The following SLFN12L variants were observed in gnomAD, a reference collection of about 807,000 sequenced individuals.
The protein encoded by SLFN12L is schlafen family member 12-like.
A neutral mutation model predicts 34.8 loss-of-function variants in SLFN12L; 34 were observed. The ratio of observed to expected loss-of-function variants is 0.98; its 90% CI spans 0.74 to 1.30. SLFN12L has a LOEUF of 1.30. Ranked by LOEUF, SLFN12L falls within the 50% of genes most tolerant of loss-of-function variation. SLFN12L has a pLI of 0.00. For synonymous variants in SLFN12L, 259 were observed against 247.5 expected (o/e 1.05, Z -0.44); for missense variants, 703 against 696.2 (o/e 1.01, Z -0.11).
intron 2 of SLFN12L, among the ~76,000 whole-genome samples, chr17:35,482,682 G>T (rs879580852): frequency 1.2e-4 from 18 of 152,192 alleles, no homozygotes; most frequent in Admixed American, 8.5e-4. Context: ...TCTCCCTGCT[G>T]TCGGTGCCCA....
At chr17:35,523,377 G>A in intron 1 of SLFN12L, among the ~76,000 whole-genome samples, 1 of 152,170 alleles carries the variant, frequency 6.6e-6, no homozygotes, top group East Asian at 1.9e-4. Context: ...CCACTAATGG[G>A]GGTAGCAGGA....
intron 2 of SLFN12L, among the ~76,000 whole-genome samples, chr17:35,504,991 C>A (rs1915420882): frequency 6.6e-6 from 1 of 152,138 alleles, no homozygotes; most frequent in African/African-American, 2.4e-5. Context: ...AATAAGATAT[C>A]ATAAAGCAAG....
chr17:35,527,823 A>T (rs145796673), intron 1 of SLFN12L, among the ~76,000 whole-genome samples: 56 of 152,314 alleles, frequency 3.7e-4, no homozygotes, highest in African/African-American at 1.3e-3. Flanking sequence ...CACCACTCCT[A>T]GTCAACATAG....
In SLFN12L at chr17:35,479,568, C is replaced by A. The variant is rs1477891626; in HGVS notation, c.714G>T (p.Leu238Phe). The A allele has an allele frequency of 6.2e-7, 1 of 1,613,730 alleles. No homozygotes were observed. The highest frequency in any genetic ancestry group is 1.7e-5 in the Admixed American group (1 of 59,902). The change falls in exon 3 of 5, where the codon TTG becomes TTT. Residue 238 changes from leucine (L) to phenylalanine (F), a missense_variant. Physicochemically the swap from Leu to Phe is conservative, Grantham distance 22. Transcript: ENST00000628453. ...CAACGTGTGTGGATTCAGTAAAGGTCAATTTTTCTTTATAACCAAGTTCTG... is the reference window on the plus strand; with the variant it reads ...CAACGTGTGTGGATTCAGTAAAGGTAAATTTTTCTTTATAACCAAGTTCTG... ...NRTELGYKEKLTFTESTHVEI... is the reference protein window; with the variant it reads ...NRTELGYKEKFTFTESTHVEI...
At chr17:35,485,156 CA>C (rs1914528774) in intron 2 of SLFN12L, among the ~76,000 whole-genome samples, 1 of 151,966 alleles carries the variant, frequency 6.6e-6, no homozygotes, top group South Asian at 2.1e-4. Flanking sequence ...TTGATCTTTT[CA>C]AAAAACCAAC....
chr17:35,486,564 G>A (rs1033120336), intron 2 of SLFN12L, among the ~76,000 whole-genome samples: 20 of 152,016 alleles, frequency 1.3e-4, no homozygotes, highest in Non-Finnish European at 2.6e-4. Context: ...TCAGGCTTCA[G>A]GCATACATCT....
intron 2 of SLFN12L, among the ~76,000 whole-genome samples, chr17:35,520,837 C>T (rs1208010792): frequency 6.6e-6 from 1 of 152,126 alleles, no homozygotes; most frequent in Non-Finnish European, 1.5e-5. Flanking sequence ...ACAACCCCCT[C>T]TCAGGAGTAT....
intron 2 of SLFN12L, among the ~76,000 whole-genome samples, chr17:35,485,095 G>T (rs1416619030): frequency 1.3e-5 from 2 of 151,788 alleles, no homozygotes; most frequent in African/African-American, 4.8e-5. Flanking sequence ...TTTCTTTTTT[G>T]ATTTTAGTTG....
Position 35,508,620 on chromosome 17 carries a change from C to T in SLFN12L, c.86+13659G>A, listed in dbSNP as rs1160303312. ...ACCTTGGCCTCCCAAAGTGCTGGGA[C>T]TACAGGCATGAGCCACTGTGCCCAG... On this transcript the variant is annotated intron_variant, in intron 2 of 4. Transcript: ENST00000628453. Among the ~76,000 whole-genome samples, 8 of 152,228 alleles carry T rather than the reference C, an allele frequency of 5.3e-5. 1 individual carries two copies. In the East Asian group the frequency reaches 7.7e-4, roughly 15 times the overall value.
intron 1 of SLFN12L, among the ~76,000 whole-genome samples, chr17:35,532,158 G>A (rs776041932): frequency 2.6e-5 from 4 of 152,168 alleles, no homozygotes; most frequent in African/African-American, 9.7e-5. Context: ...TTTAAAAATA[G>A]GCACAGGCCG....
chr17:35,536,871 T>G (rs983065156), intron 1 of SLFN12L, among the ~76,000 whole-genome samples: 4 of 151,304 alleles, frequency 2.6e-5, no homozygotes, highest in Admixed American at 6.6e-5. Flanking sequence ...ATCAGCTAAC[T>G]GCTAAAGAAT....
intron 4 of SLFN12L, 36 bp downstream of exon 4, chr17:35,478,039 A>T: frequency 1.5e-6 from 2 of 1,340,820 alleles, no homozygotes; most frequent in Non-Finnish European, 2.1e-6. Context: ...GAACACAGTT[A>T]CACCAACAAC....
Position 35,480,130 on chromosome 17 carries a change from G to C in SLFN12L, c.152C>G (p.Thr51Arg). The C allele has an allele frequency of 2.5e-6, 4 of 1,613,362 alleles. No individual in the cohort carries two copies. Among genetic ancestry groups the C allele is most frequent in the Non-Finnish European group, 3.4e-6 (4 of 1,179,810 alleles). ...GKMNISIDLD[T>R]NYAELVLNVG... ...ATTTAGAACCAGCTCAGCATAGTTTGTGTCTAAATCAATACTGATGTTCAT... is the reference window on the plus strand; with the variant it reads ...ATTTAGAACCAGCTCAGCATAGTTTCTGTCTAAATCAATACTGATGTTCAT... The change falls in exon 3 of 5, where the codon ACA becomes AGA. Residue 51 changes from threonine (T) to arginine (R), a missense_variant. Thr to Arg is a moderately conservative substitution (Grantham distance 71, BLOSUM62 -1). Coordinates refer to ENST00000628453, the MANE Select transcript of SLFN12L (RefSeq NM_001363830.2).
At chr17:35,498,168 C>A (rs368369188) in intron 2 of SLFN12L, 2 of 353,002 alleles carry the variant, frequency 5.7e-6, no homozygotes, top group Middle Eastern at 7.4e-4. Context: ...GCATCTCGAT[C>A]CGGGAGGCGG....
rs1597872104 is a variant in SLFN12L at position 35,514,716 on chromosome 17, G to GA, written c.86+7562dup. On this transcript the variant is annotated intron_variant, in intron 2 of 4. Transcript: ENST00000628453. ...CCCTTCTGCTCAACTACCAAGTTAA[G>GA]ACTTTTTCAAGTATTTTAACTGAGA... is the stretch of plus-strand genomic sequence containing the variant. 3 of 380,744 alleles carry GA rather than the reference G, an allele frequency of 7.9e-6. No individual in the cohort carries two copies. The East Asian group carries it at 3.3e-4, about 42-fold the overall frequency. 23.6% of individuals were successfully genotyped at this position (380,744 alleles called of 1,614,324 possible).
chr17:35,523,092 A>G (rs1463594296), intron 1 of SLFN12L, 123 bp from the exon 2 acceptor site: 1 of 236,410 alleles, frequency 4.2e-6, no homozygotes, highest in African/African-American at 2.3e-5. Context: ...ATATTCTTCT[A>G]TAAACATTAT....
At chr17:35,487,400 A>C (rs1914624777) in intron 2 of SLFN12L, among the ~76,000 whole-genome samples, 1 of 152,250 alleles carries the variant, frequency 6.6e-6, no homozygotes, top group South Asian at 2.1e-4. Context: ...GAGAGAAAGC[A>C]GCCTCGGGTC....
Position 35,479,584 on chromosome 17 carries a change from C to T in SLFN12L, c.698G>A (p.Gly233Asp). The change falls in exon 3 of 5, where the codon GGT becomes GAT. Residue 233 changes from glycine to aspartate, a missense_variant. By Grantham distance (94) the Gly-to-Asp change is moderately conservative. Transcript: ENST00000628453. ...AGTAAAGGTCAATTTTTCTTTATAA[C>T]CAAGTTCTGTTCTGTTAAAAAAATC... is the stretch of plus-strand genomic sequence containing the variant. ...AADFFNRTEL[G>D]YKEKLTFTES... 1.9e-6 allele frequency: 3 copies of T among 1,613,080 alleles called. No individual in the cohort carries two copies. The highest frequency in any genetic ancestry group is 2.5e-6 in the Non-Finnish European group (3 of 1,179,698).
At chr17:35,492,977 A>G (rs1162371497) in intron 2 of SLFN12L, among the ~76,000 whole-genome samples, 1 of 151,528 alleles carries the variant, frequency 6.6e-6, no homozygotes, top group Non-Finnish European at 1.5e-5. Context: ...AAACACACAC[A>G]CACACAAGCA....
Sources: gnomAD v4.1 joint callset for allele counts (sites outside exome capture counted in the v4.1 genomes callset) on GRCh38, gnomAD v4.1.1 for gene constraint, MANE v1.5 for transcripts, NCBI Gene and HGNC (gene_info 2026-07-23, HGNC 2026-07-21) for gene names.